The following LRRC4B variants were observed in gnomAD, a reference collection of about 807,000 sequenced individuals.
The protein encoded by LRRC4B is leucine rich repeat containing 4B, also known as leucine-rich repeat-containing protein 4B.
In LRRC4B, 1 loss-of-function variant was observed where a neutral mutation model predicts 7.3. The observed-to-expected ratio is 0.14, with a 90% CI of 0.05 to 0.65. The LOEUF is 0.65. Ranked by LOEUF, LRRC4B falls within the 30% of genes least tolerant of loss-of-function variation. The probability of loss-of-function intolerance (pLI) is 0.84; values close to 1 mark genes in which losing one functional copy is unlikely to be tolerated. For synonymous variants in LRRC4B, 500 were observed against 499.2 expected (o/e 1.00, Z -0.02); for missense variants, 730 against 1,041.6 (o/e 0.70, Z 4.12).
intron 1 of LRRC4B, among the ~76,000 whole-genome samples, chr19:50,562,407 T>A (rs868485087): frequency 1.3e-5 from 2 of 152,164 alleles, no homozygotes; most frequent in Non-Finnish European, 2.9e-5. Flanking sequence ...AAAATCCACA[T>A]AAGAGACTGA....
At chr19:50,538,877 C>T (rs566609948) in intron 2 of LRRC4B, among the ~76,000 whole-genome samples, 3 of 144,608 alleles carry the variant, frequency 2.1e-5, no homozygotes, top group Non-Finnish European at 4.5e-5. Context: ...ATTACAGGTG[C>T]GAGCCACCGC....
intron 2 of LRRC4B, among the ~76,000 whole-genome samples, chr19:50,525,403 G>A (rs908009793): frequency 1.4e-5 from 2 of 142,916 alleles, no homozygotes; most frequent in Non-Finnish European, 3.0e-5. Flanking sequence ...GCCAAGAACC[G>A]TACTTTTTTT....
chr19:50,543,649 C>T (rs984742645), intron 2 of LRRC4B, among the ~76,000 whole-genome samples: 5 of 151,200 alleles, frequency 3.3e-5, no homozygotes, highest in African/African-American at 1.2e-4. Context: ...GCCAGGAGTT[C>T]GAGACCAGCC....
intron 1 of LRRC4B, among the ~76,000 whole-genome samples, chr19:50,567,253 G>A (rs1029195262): frequency 1.3e-5 from 2 of 151,788 alleles, no homozygotes; most frequent in Non-Finnish European, 2.9e-5. Flanking sequence ...AGTGGGGTCA[G>A]GGAACGGGGG....
intron 1 of LRRC4B, among the ~76,000 whole-genome samples, chr19:50,550,033 G>A (rs780855410): frequency 6.6e-6 from 1 of 152,132 alleles, no homozygotes; most frequent in African/African-American, 2.4e-5. Flanking sequence ...TCACAGCAAC[G>A]ATACCAGTAA....
chr19:50,547,907 G>T (rs891237547), intron 2 of LRRC4B, among the ~76,000 whole-genome samples: 1 of 151,968 alleles, frequency 6.6e-6, no homozygotes, highest in African/African-American at 2.4e-5. Context: ...AAGCACCACA[G>T]CGTTCTCAGC....
In LRRC4B at chr19:50,542,220, C is replaced by A. The variant is rs549765601; in HGVS notation, c.297+6322G>T. On this transcript the variant is annotated intron_variant, in intron 2 of 2. Transcript: ENST00000652263. Reference sequence around the variant, plus strand: ...GAGCCAGTCCGGTGAGGACCAGGTACCTGACTGAGGAGCGAGGAGTGGACA... The same window carrying A: ...GAGCCAGTCCGGTGAGGACCAGGTAACTGACTGAGGAGCGAGGAGTGGACA... Among the ~76,000 whole-genome samples, 4 of 152,238 alleles carry A rather than the reference C, an allele frequency of 2.6e-5. No homozygotes were observed. In the East Asian group the frequency reaches 7.8e-4, roughly 30 times the overall value.
rs566697348 is a variant in LRRC4B, at chr19:50,561,716, C to T, written c.-36+6228G>A. ...TGCCCCTGCACTTCAGCATGGGTAA[C>T]GGAGCAAGACCCTGTTCTCCCCCAA... On this transcript the variant is annotated intron_variant, in intron 1 of 2. Coordinates refer to ENST00000652263, the MANE Select transcript of LRRC4B (RefSeq NM_001080457.2). Among the ~76,000 whole-genome samples the T allele has an allele frequency of 3.9e-5, 6 of 152,180 alleles. No individual in the cohort carries two copies. The East Asian group carries it at 9.7e-4, about 24-fold the overall frequency.
At position 50,559,214 on chromosome 19, in the gene LRRC4B, T is replaced by C. The variant is rs1009626304; in HGVS notation, c.-36+8730A>G. Among the ~76,000 whole-genome samples the C allele has an allele frequency of 2.6e-5, 4 of 152,046 alleles. No individual in the cohort carries two copies. The South Asian group carries it at 6.2e-4, about 24-fold the overall frequency. On this transcript the variant is annotated intron_variant, in intron 1 of 2. Transcript: ENST00000652263. ...CTTTGGGAGGCCAAGGTGGGCGGAT[T>C]ACCTGAGGTCAGGAGTTTGAGACCA...
chr19:50,560,448 C>T (rs1281699500), intron 1 of LRRC4B, among the ~76,000 whole-genome samples: 1 of 152,228 alleles, frequency 6.6e-6, no homozygotes, highest in Non-Finnish European at 1.5e-5. Context: ...CCTCGGTCTG[C>T]TCACCTGTAG....
rs763207062 is a variant in LRRC4B, at chr19:50,518,223, G to A, written c.1490C>T (p.Thr497Met). ...FTTVTVETLE[T>M]QPGEEALQPR... ...CTGCAGGGCCTCCTCTCCGGGCTGC[G>A]TCTCCAGGGTCTCCACGGTCACCGT... The change falls in exon 3 of 3, where the codon ACG becomes ATG. Residue 497 changes from threonine (T) to methionine (M), a missense_variant. Physicochemically the swap from Thr to Met is moderately conservative, Grantham distance 81. Around this residue, in one of 6 missense-constraint regions of LRRC4B, gnomAD observed 192 missense variants for 228.6 expected, o/e 0.84. Coordinates refer to ENST00000652263, the MANE Select transcript of LRRC4B (RefSeq NM_001080457.2). 6.2e-7 allele frequency: 1 copy of A among 1,608,418 alleles called. No homozygotes were observed. Among genetic ancestry groups the A allele is most frequent in the Non-Finnish European group, 8.5e-7 (1 of 1,178,462 alleles).
rs75869389 is a variant in LRRC4B, at chr19:50,523,106, G to A, written c.298-3691C>T. On this transcript the variant is annotated intron_variant, in intron 2 of 2. Coordinates refer to ENST00000652263, the MANE Select transcript of LRRC4B (RefSeq NM_001080457.2). ...TCTCAGGGCTGGAGCTGGGGTCCACGGGAGGGGCAGTGCTGGGTCAGAGCA... is the reference window on the plus strand; with the variant it reads ...TCTCAGGGCTGGAGCTGGGGTCCACAGGAGGGGCAGTGCTGGGTCAGAGCA... Among the ~76,000 whole-genome samples, 382 of 152,306 alleles carry A rather than the reference G, an allele frequency of 2.5e-3. 3 individuals carry two copies. Among genetic ancestry groups the A allele is most frequent in the African/African-American group, 8.5e-3 (354 of 41,568 alleles).
rs12610929 is a variant in LRRC4B at position 50,555,831 on chromosome 19, A to G, written c.-35-6958T>C. The G allele has an allele frequency of 0.2, 30,704 of 152,332 alleles. 3,928 individuals carry two copies. The highest frequency in any genetic ancestry group is 0.28 in the Non-Finnish European group (19,117 of 68,144). The allele number at this position is 152,332 out of a possible 1,614,324, so 9.4% of individuals were successfully genotyped here. A position where few individuals can be genotyped will look rare whatever the true frequency, so the allele number is the denominator to read the frequency against. ...GAGGGAAGATAGGAAATTGACTACCATTGCAGCAAGAGGCCTGGAGGTTAG... is the reference window on the plus strand; with the variant it reads ...GAGGGAAGATAGGAAATTGACTACCGTTGCAGCAAGAGGCCTGGAGGTTAG... On this transcript the variant is annotated intron_variant, in intron 1 of 2. Coordinates refer to ENST00000652263, the MANE Select transcript of LRRC4B (RefSeq NM_001080457.2). The surrounding 1 kb of genome is among the most constrained non-coding windows in gnomAD (Gnocchi z 5.2).
At chr19:50,550,064 T>C (rs1174331277) in intron 1 of LRRC4B, among the ~76,000 whole-genome samples, 1 of 152,150 alleles carries the variant, frequency 6.6e-6, no homozygotes, top group Non-Finnish European at 1.5e-5. Flanking sequence ...TCCGGAACAC[T>C]GGGTGAGCCC....
intron 2 of LRRC4B, among the ~76,000 whole-genome samples, chr19:50,528,460 T>G (rs564863502): frequency 6.6e-6 from 1 of 152,284 alleles, no homozygotes; most frequent in Admixed American, 6.5e-5. Flanking sequence ...TTCTCCTGCC[T>G]CAGCCTCCCG....
At chr19:50,565,708 CG>C (rs1428505783) in intron 1 of LRRC4B, among the ~76,000 whole-genome samples, 1 of 151,880 alleles carries the variant, frequency 6.6e-6, no homozygotes, top group African/African-American at 2.4e-5. Flanking sequence ...CAGTGTCCCC[CG>C]GCTCCCTGCT....
At chr19:50,567,045 GAA>G (rs1209125742) in intron 1 of LRRC4B, among the ~76,000 whole-genome samples, 1 of 151,338 alleles carries the variant, frequency 6.6e-6, no homozygotes, top group African/African-American at 2.4e-5. Context: ...GGGGGTTAGA[GAA>G]GGCTGAGGAG....
Position 50,548,937 on chromosome 19 carries a change from G to T in LRRC4B, c.-35-64C>A. The T allele has an allele frequency of 1.1e-6, 1 of 888,348 alleles. No homozygotes were observed. Among genetic ancestry groups the T allele is most frequent in the Non-Finnish European group, 1.7e-6 (1 of 602,992 alleles). The allele number at this position is 888,348 out of a possible 1,614,324, so 55.0% of individuals were successfully genotyped here. A position where few individuals can be genotyped will look rare whatever the true frequency, so the allele number is the denominator to read the frequency against. ...GGACAGGAGCCCATGTGGCCTGGGT[G>T]CTTGCCAACACCCAGGCAGCCCCAT... On this transcript the variant is annotated intron_variant, in intron 1 of 2. Transcript: ENST00000652263. This position sits in a 1 kb window ranked among gnomAD's most constrained non-coding sequence, Gnocchi z 6.8.
intron 2 of LRRC4B, among the ~76,000 whole-genome samples, chr19:50,523,794 C>A (rs1980685401): frequency 6.6e-6 from 1 of 151,822 alleles, no homozygotes; most frequent in Admixed American, 6.6e-5. Flanking sequence ...CCCATCTCTA[C>A]TAAAAATACA....
Sources: allele counts gnomAD v4.1 joint callset (sites outside exome capture counted in the v4.1 genomes callset), GRCh38; gene constraint gnomAD v4.1.1; regional missense constraint gnomAD v4.1.1; non-coding constraint Gnocchi (gnomAD v3.1); transcripts MANE v1.5; gene names NCBI Gene and HGNC (gene_info 2026-07-23, HGNC 2026-07-21).